The following CREBBP variants were observed in gnomAD, a reference collection of about 807,000 sequenced individuals.
CREBBP encodes the protein CREB binding lysine acetyltransferase.
A neutral mutation model predicts 265.0 loss-of-function variants in CREBBP; 19 were observed. That is an observed-to-expected ratio of 0.07 (90% CI 0.05 to 0.11). The LOEUF (loss-of-function observed/expected upper bound fraction) is 0.11. Among genes scored for constraint, CREBBP ranks in the 10% least tolerant of loss-of-function variants. CREBBP has a pLI of 1.00. For missense variants in CREBBP, 2,525 were observed against 3,219.0 expected (o/e 0.78, Z 5.22); for synonymous variants, 1,457 against 1,223.7 (o/e 1.19, Z -3.98).
chr16:3,776,551 C>T (rs1439203504), intron 11 of CREBBP, among the ~76,000 whole-genome samples: 1 of 152,146 alleles, frequency 6.6e-6, no homozygotes, highest in African/African-American at 2.4e-5. Context: ...CCAAGAGCAG[C>T]CCGTGCCGTC....
chr16:3,833,846 A>T (rs924720157), intron 2 of CREBBP, among the ~76,000 whole-genome samples: 1 of 152,210 alleles, frequency 6.6e-6, no homozygotes, highest in Non-Finnish European at 1.5e-5. Flanking sequence ...TGAGAAGACA[A>T]TCCACAGACT....
intron 25 of CREBBP, among the ~76,000 whole-genome samples, chr16:3,739,072 C>G (rs927964778): frequency 9.9e-5 from 15 of 152,172 alleles, no homozygotes; most frequent in African/African-American, 2.9e-4. Context: ...ATGTGATAAA[C>G]AAACAAACAA....
intron 16 of CREBBP, among the ~76,000 whole-genome samples, chr16:3,764,189 C>A (rs2052791594): frequency 6.7e-6 from 1 of 150,190 alleles, no homozygotes; most frequent in African/African-American, 2.5e-5. Flanking sequence ...CCCAGGCTGG[C>A]TTGAACTCCT....
At chr16:3,840,877 C>T (rs558761709) in intron 2 of CREBBP, 4 of 156,276 alleles carry the variant, frequency 2.6e-5, no homozygotes, top group South Asian at 2.0e-4. Flanking sequence ...CTAACAAACA[C>T]TGGGCTTAAG....
chr16:3,854,966 A>G (rs2141518529), intron 1 of CREBBP, among the ~76,000 whole-genome samples: 1 of 152,342 alleles, frequency 6.6e-6, no homozygotes, highest in Admixed American at 6.5e-5. Context: ...TAAGTACTTC[A>G]GTACGTATCT....
At chr16:3,791,557 G>C (rs2053507866) in intron 5 of CREBBP, among the ~76,000 whole-genome samples, 9 of 152,172 alleles carry the variant, frequency 5.9e-5, no homozygotes, top group Admixed American at 5.9e-4. Context: ...TTCAGGATAA[G>C]GGCTTTCCAA....
chr16:3,785,276 A>G (rs998196585), intron 5 of CREBBP, among the ~76,000 whole-genome samples: 1 of 152,166 alleles, frequency 6.6e-6, no homozygotes, highest in African/African-American at 2.4e-5. Flanking sequence ...GCTTGTCTTT[A>G]GACACTGACC....
chr16:3,739,886 C>T (rs2052159041), intron 24 of CREBBP, among the ~76,000 whole-genome samples, 162 bp from the exon 25 acceptor site: 3 of 152,220 alleles, frequency 2.0e-5, no homozygotes, highest in South Asian at 4.1e-4. Context: ...CAGTCAGCCC[C>T]GGAGCAGGGA....
At position 3,727,391 on chromosome 16, in the gene CREBBP, C is replaced by A; in HGVS notation, c.*327G>T. On this transcript the variant is annotated 3_prime_UTR_variant, in exon 31 of 31. Coordinates refer to ENST00000262367, the MANE Select transcript of CREBBP (RefSeq NM_004380.3). ...TATGAATATAATGAACTTGTTTTTC[C>A]CGTTAAAAAAAGGCATGAGTCACCA... is the stretch of plus-strand genomic sequence containing the variant. 1 of 291,360 alleles carries A rather than the reference C, an allele frequency of 3.4e-6. No homozygotes were observed. The highest frequency in any genetic ancestry group is 6.5e-6 in the Non-Finnish European group (1 of 154,986). 18.0% of individuals were successfully genotyped at this position (291,360 alleles called of 1,614,324 possible). A position where few individuals can be genotyped will look rare whatever the true frequency, so the allele number is the denominator to read the frequency against.
intron 16 of CREBBP, 87 bp downstream of exon 16, chr16:3,767,633 T>C: frequency 1.3e-6 from 2 of 1,561,664 alleles, no homozygotes; most frequent in Non-Finnish European, 1.8e-6. Context: ...GAATTATGTT[T>C]CTACTTTAGC....
chr16:3,771,449 A>C (rs1478458184), intron 13 of CREBBP, among the ~76,000 whole-genome samples: 2 of 152,100 alleles, frequency 1.3e-5, no homozygotes, highest in African/African-American at 4.8e-5. Context: ...TGTAATGGGC[A>C]CTCCTCAATA....
At chr16:3,858,500 G>A (rs545705666) in intron 1 of CREBBP, among the ~76,000 whole-genome samples, 5 of 152,286 alleles carry the variant, frequency 3.3e-5, no homozygotes, top group East Asian at 1.9e-4. Flanking sequence ...TATAACGTGC[G>A]TGGGGCTGTA....
intron 11 of CREBBP, 121 bp downstream of exon 11, chr16:3,777,492 A>C: frequency 9.2e-7 from 1 of 1,085,828 alleles, no homozygotes. Context: ...GCTTATCAGC[A>C]AAAAGGAATG....
At chr16:3,867,525 T>C (rs1463354194) in intron 1 of CREBBP, among the ~76,000 whole-genome samples, 1 of 152,052 alleles carries the variant, frequency 6.6e-6, no homozygotes, top group Admixed American at 6.6e-5. Context: ...ATTATTCCTA[T>C]TTATATAACA....
In CREBBP at chr16:3,740,494, C is replaced by T; in HGVS notation, c.4038G>A (p.Leu1346=). 6.2e-7 allele frequency: 1 copy of T among 1,614,166 alleles called. No individual in the cohort carries two copies. The highest frequency in any genetic ancestry group is 1.3e-5 in the African/African-American group (1 of 75,040). Residue 1346 remains leucine, a synonymous_variant, in exon 24 of 31, where the codon TTG becomes TTA. Coordinates refer to ENST00000262367, the MANE Select transcript of CREBBP (RefSeq NM_004380.3). ...CGGCTTCAGGGTGATTCTGGCGCCG[C>T]AAAAATTTGTTCACTCGGTCTTCCA... ...NHLEDRVNKF[L]RRQNHPEAGE...
intron 28 of CREBBP, among the ~76,000 whole-genome samples, chr16:3,735,811 C>T (rs181907819): frequency 3.9e-5 from 6 of 152,304 alleles, no homozygotes; most frequent in African/African-American, 1.2e-4. Context: ...CTTCCCTCTC[C>T]GAGTCTAAGT....
intron 2 of CREBBP, among the ~76,000 whole-genome samples, chr16:3,841,598 G>A (rs1183742527): frequency 2.0e-5 from 3 of 152,006 alleles, no homozygotes; most frequent in African/African-American, 4.8e-5. Context: ...CCATGATAAC[G>A]CCACTGTACT....
At chr16:3,875,637 G>T (rs1047527094) in intron 1 of CREBBP, among the ~76,000 whole-genome samples, 2 of 152,212 alleles carry the variant, frequency 1.3e-5, no homozygotes, top group African/African-American at 2.4e-5. Context: ...TTCCTGGGTC[G>T]ATTCAAGTAA....
intron 2 of CREBBP, among the ~76,000 whole-genome samples, chr16:3,838,291 G>A (rs188589433): frequency 6.6e-6 from 1 of 152,274 alleles, no homozygotes; most frequent in Admixed American, 6.5e-5. Context: ...TAGTCCAGGA[G>A]CAACAGGGTA....
Sources: allele counts gnomAD v4.1 joint callset (sites outside exome capture counted in the v4.1 genomes callset), GRCh38; gene constraint gnomAD v4.1.1; transcripts MANE v1.5; gene names NCBI Gene and HGNC (gene_info 2026-07-23, HGNC 2026-07-21).